Variants in WDR19 observed in about 807,000 individuals in gnomAD.
WDR19 encodes WD repeat domain 19.
Under a neutral mutation model 180.0 loss-of-function variants are expected in WDR19, and 121 were observed. The ratio of observed to expected loss-of-function variants is 0.67; its 90% CI spans 0.58 to 0.78. The LOEUF is 0.78. WDR19 is among the 30% of genes least tolerant of loss of function. The probability of loss-of-function intolerance (pLI) is 0.00; values close to 1 mark genes in which losing one functional copy is unlikely to be tolerated. For missense variants in WDR19, 1,450 were observed against 1,640.7 expected (o/e 0.88, Z 2.01); for synonymous variants, 497 against 540.7 (o/e 0.92, Z 1.12).
At chr4:39,234,355 C>T (rs1250353116) in intron 19 of WDR19, among the ~76,000 whole-genome samples, 1 of 152,092 alleles carries the variant, frequency 6.6e-6, no homozygotes, top group Admixed American at 6.5e-5. Context: ...AAAAACACAC[C>T]AATTCCTATA....
At chr4:39,272,863 CA>C (rs1204640688) in intron 31 of WDR19, 116 bp from the exon 32 acceptor site, 1 of 809,222 alleles carries the variant, frequency 1.2e-6, no homozygotes, top group Non-Finnish European at 1.9e-6. Flanking sequence ...GGAAAGTCTA[CA>C]AGGATCCCAC....
intron 24 of WDR19, among the ~76,000 whole-genome samples, chr4:39,249,016 T>C (rs1382295165): frequency 6.6e-6 from 1 of 152,206 alleles, no homozygotes; most frequent in Non-Finnish European, 1.5e-5. Flanking sequence ...AATAGACATC[T>C]ACAGAACTCT....
intron 36 of WDR19, among the ~76,000 whole-genome samples, chr4:39,281,236 T>TATATATAGAGAGAGAGAGAG (rs762298152): frequency 1.8e-3 from 191 of 103,904 alleles, no homozygotes; most frequent in African/African-American, 5.2e-3. Context: ...TATATATATA[T>TATATATAGAGAGAGAGAGAG]AGAGAGAGAG....
At chr4:39,203,504 G>T (rs1727591706) in intron 6 of WDR19, 138 bp from the exon 7 acceptor site, 1 of 652,744 alleles carries the variant, frequency 1.5e-6, no homozygotes, top group Non-Finnish European at 2.6e-6. Context: ...AGAATTTCTA[G>T]ATATTTGTGA....
chr4:39,272,411 A>G (rs1735459364), intron 31 of WDR19, among the ~76,000 whole-genome samples: 1 of 152,076 alleles, frequency 6.6e-6, no homozygotes, highest in African/African-American at 2.4e-5. Context: ...GCTTCTCTCC[A>G]TCCCCACTGC....
intron 17 of WDR19, 111 bp downstream of exon 17, chr4:39,228,801 A>T: frequency 7.9e-7 from 1 of 1,268,002 alleles, no homozygotes; most frequent in Non-Finnish European, 1.1e-6. Flanking sequence ...TATCCTTGCA[A>T]GAATTTTTTT....
At chr4:39,215,398 A>G (rs1023696828) in intron 10 of WDR19, among the ~76,000 whole-genome samples, 2 of 151,960 alleles carry the variant, frequency 1.3e-5, no homozygotes, top group African/African-American at 4.8e-5. Flanking sequence ...ATATGATTCA[A>G]TGTGCAAGTA....
chr4:39,226,662 T>A (rs889494603), intron 15 of WDR19, among the ~76,000 whole-genome samples: 1 of 152,172 alleles, frequency 6.6e-6, no homozygotes, highest in Non-Finnish European at 1.5e-5. Context: ...TCTTCATCTG[T>A]AAAACGGGAA....
intron 24 of WDR19, among the ~76,000 whole-genome samples, chr4:39,246,534 G>A (rs1056388873): frequency 4.6e-5 from 7 of 152,238 alleles, no homozygotes; most frequent in South Asian, 2.1e-4. Flanking sequence ...CGCACCGTGT[G>A]TAAGCCGAAG....
intron 5 of WDR19, among the ~76,000 whole-genome samples, chr4:39,196,655 C>T (rs1577848834): frequency 6.6e-6 from 1 of 152,320 alleles, no homozygotes; most frequent in East Asian, 1.9e-4. Flanking sequence ...ACTCTTGCCC[C>T]ACTCTAGAAT....
intron 4 of WDR19, among the ~76,000 whole-genome samples, chr4:39,193,522 A>G (rs1330250567): frequency 1.3e-5 from 2 of 152,156 alleles, no homozygotes; most frequent in East Asian, 3.8e-4. Context: ...ATTTTTCCAC[A>G]TACTTTAAAT....
intron 5 of WDR19, chr4:39,194,899 G>A (rs1221742001): frequency 4.7e-6 from 2 of 425,234 alleles, no homozygotes; most frequent in Non-Finnish European, 8.4e-6. Context: ...TTCGCATCAG[G>A]ACATTAACAG....
chr4:39,262,726 A>G (rs983840925), intron 28 of WDR19, among the ~76,000 whole-genome samples: 57 of 152,098 alleles, frequency 3.7e-4, no homozygotes, highest in African/African-American at 1.3e-3. Context: ...AGCACTTTGA[A>G]TGTCACTTAT....
At chr4:39,240,027 A>C (rs1269171105) in intron 20 of WDR19, among the ~76,000 whole-genome samples, 2 of 152,014 alleles carry the variant, frequency 1.3e-5, no homozygotes, top group Non-Finnish European at 2.9e-5. Context: ...TCTTTTAAAA[A>C]TTTGCAAGGC....
chr4:39,222,852 A>G (rs1729836551), intron 14 of WDR19, among the ~76,000 whole-genome samples: 1 of 152,234 alleles, frequency 6.6e-6, no homozygotes. Flanking sequence ...TGACATTGGT[A>G]CAGTCAACAT....
chr4:39,232,715 AG>A (rs1360652090), intron 19 of WDR19, among the ~76,000 whole-genome samples: 1 of 151,732 alleles, frequency 6.6e-6, no homozygotes, highest in Non-Finnish European at 1.5e-5. Context: ...AAAAAAAAAA[AG>A]GAAAGAACAT....
At chr4:39,229,965 G>A (rs146745796) in intron 17 of WDR19, among the ~76,000 whole-genome samples, 1 of 152,066 alleles carries the variant, frequency 6.6e-6, no homozygotes, top group African/African-American at 2.4e-5. Flanking sequence ...CTTTACCCAG[G>A]CCCTCACCTG....
At chr4:39,257,434 C>T (rs1733869425) in intron 27 of WDR19, 52 bp from the exon 28 acceptor site, 1 of 1,490,158 alleles carries the variant, frequency 6.7e-7, no homozygotes, top group Non-Finnish European at 9.2e-7. Context: ...CTTTGTTTTC[C>T]CTAATGTGAA....
At chr4:39,224,764 C>T (rs1730068460) in intron 14 of WDR19, 120 bp from the exon 15 acceptor site, 1 of 874,112 alleles carries the variant, frequency 1.1e-6, no homozygotes, top group African/African-American at 1.7e-5. Flanking sequence ...TTAGATACTT[C>T]ATCAAAAACA....
Sources: gnomAD v4.1 joint callset for allele counts (sites outside exome capture counted in the v4.1 genomes callset) on GRCh38, gnomAD v4.1.1 for gene constraint, MANE v1.5 for transcripts, NCBI Gene and HGNC (gene_info 2026-07-23, HGNC 2026-07-21) for gene names.